RAD51B: variants seen among roughly 807,000 people sequenced by gnomAD.
The protein encoded by RAD51B is DNA repair protein RAD51 homolog 2.
In RAD51B, 38 loss-of-function variants were observed where a neutral mutation model predicts 42.2. That is an observed-to-expected ratio of 0.90 (90% CI 0.70 to 1.18). The LOEUF is 1.18. Ranked by LOEUF, RAD51B falls within the 50% of genes most tolerant of loss-of-function variation. The probability of loss-of-function intolerance (pLI) is 0.00; values close to 1 mark genes in which losing one functional copy is unlikely to be tolerated. For synonymous variants in RAD51B, 154 were observed against 145.2 expected (o/e 1.06, Z -0.43); for missense variants, 373 against 400.7 (o/e 0.93, Z 0.59).
chr14:67,829,485 G>A (rs1386926563), intron 3 of RAD51B, among the ~76,000 whole-genome samples: 2 of 151,962 alleles, frequency 1.3e-5, no homozygotes, highest in African/African-American at 4.8e-5. Context: ...CTCATGATCC[G>A]CCCGCCTCGG....
chr14:68,455,444 G>A (rs927403164), intron 9 of RAD51B, among the ~76,000 whole-genome samples: 4 of 152,176 alleles, frequency 2.6e-5, no homozygotes, highest in African/African-American at 9.7e-5. Context: ...GTAGCCAGGT[G>A]TGGTGGCTCA....
intron 7 of RAD51B, among the ~76,000 whole-genome samples, chr14:68,198,933 C>T (rs561238935): frequency 2.6e-5 from 4 of 152,222 alleles, no homozygotes; most frequent in South Asian, 2.1e-4. Flanking sequence ...TTGTTGGAAA[C>T]GTTCTTTTTA....
chr14:68,448,157 T>A (rs915304240), intron 9 of RAD51B, among the ~76,000 whole-genome samples: 8 of 152,190 alleles, frequency 5.3e-5, no homozygotes, highest in Admixed American at 1.3e-4. Flanking sequence ...CTGAGGATGG[T>A]CTTCAAGAAG....
At chr14:68,275,794 CCACACACACACACACACACACACA>C (rs10641411) in intron 7 of RAD51B, among the ~76,000 whole-genome samples, 21 of 141,268 alleles carry the variant, frequency 1.5e-4, no homozygotes, top group African/African-American at 5.1e-4. Flanking sequence ...AACTAGCTCT[CCACACACACACACACACACACACA>C]CACACACACA....
At chr14:68,027,663 G>A (rs375973931) in intron 7 of RAD51B, among the ~76,000 whole-genome samples, 1 of 152,084 alleles carries the variant, frequency 6.6e-6, no homozygotes, top group Non-Finnish European at 1.5e-5. Context: ...TGAAATTCTT[G>A]TAGTGAATTT....
rs1158570155 is a variant in RAD51B at position 68,127,604 on chromosome 14, AACACACACACACACACAC to A, written c.757-164246_757-164229del. 3.3e-3 allele frequency among the ~76,000 whole-genome samples: 445 copies of A among 133,626 alleles called. 1 individual carries two copies. The Middle Eastern group carries it at 0.041, about 12-fold the overall frequency. 87.7% of individuals were successfully genotyped at this position (133,626 alleles called of 152,430 possible). A position where few individuals can be genotyped will look rare whatever the true frequency, so the allele number is the denominator to read the frequency against. ...TTCATAAATAACAATTGTACATTGTAACACACACACACACACACACACACACACACACACACACACACA... is the reference window on the plus strand; with the variant it reads ...TTCATAAATAACAATTGTACATTGTAACACACACACACACACACACACACA... On this transcript the variant is annotated intron_variant, in intron 7 of 10. Transcript: ENST00000471583.
Position 67,885,958 on chromosome 14 carries a change from G to A in RAD51B, c.542G>A (p.Arg181Gln), listed in dbSNP as rs1416106631. ...ACAAGTAGTAAAGTTCATCTTTATC[G>A]GGAACTCACCTGTGATGAAGTTCTA... ...LLTSSKVHLY[R>Q]ELTCDEVLQR... The change falls in exon 6 of 11, where the codon CGG (arginine) becomes CAG (glutamine). Residue 181 changes from arginine to glutamine, a missense_variant. Arg to Gln is a conservative substitution (Grantham distance 43). Transcript: ENST00000471583. The A allele has an allele frequency of 7.5e-6, 12 of 1,604,660 alleles. No homozygotes were observed. Among genetic ancestry groups the A allele is most frequent in the African/African-American group, 1.3e-5 (1 of 74,670 alleles).
chr14:68,024,544 A>C (rs1435051400), intron 7 of RAD51B, among the ~76,000 whole-genome samples: 1 of 151,828 alleles, frequency 6.6e-6, no homozygotes, highest in African/African-American at 2.4e-5. Flanking sequence ...CCTTATAGAG[A>C]TCTTTCCCCT....
chr14:68,490,984 G>T (rs921154509), intron 10 of RAD51B, among the ~76,000 whole-genome samples: 1 of 152,182 alleles, frequency 6.6e-6, no homozygotes, highest in African/African-American at 2.4e-5. Context: ...AGCAAAACTA[G>T]CCTACAACTT....
At chr14:68,225,359 G>A (rs1437104700) in intron 7 of RAD51B, among the ~76,000 whole-genome samples, 1 of 152,168 alleles carries the variant, frequency 6.6e-6, no homozygotes, top group Admixed American at 6.5e-5. Flanking sequence ...TTACTTGCTT[G>A]GAGGAGAAAT....
intron 10 of RAD51B, chr14:68,540,921 A>C (rs530805749): frequency 1.1e-5 from 11 of 985,452 alleles, no homozygotes; most frequent in Non-Finnish European, 1.3e-5. Flanking sequence ...TGAAGTTTGG[A>C]AAGAGAGGCA....
chr14:67,903,782 A>G (rs1424784695), intron 7 of RAD51B, among the ~76,000 whole-genome samples: 2 of 152,120 alleles, frequency 1.3e-5, no homozygotes, highest in African/African-American at 4.8e-5. Flanking sequence ...TTCAGGGGGT[A>G]CATGTGCAGG....
intron 10 of RAD51B, among the ~76,000 whole-genome samples, chr14:68,635,209 G>A (rs1595039880): frequency 1.3e-5 from 2 of 152,300 alleles, no homozygotes; most frequent in East Asian, 1.9e-4. Flanking sequence ...GAGCCTAACA[G>A]TCTCCTGCTA....
downstream of RAD51B, among the ~76,000 whole-genome samples, chr14:68,482,593 T>C (rs1883289494): frequency 6.6e-6 from 1 of 152,206 alleles, no homozygotes; most frequent in Admixed American, 6.5e-5. Flanking sequence ...TTTTCCATGT[T>C]TTATTTTCAA....
At chr14:68,133,203 A>G (rs2077935279) in intron 7 of RAD51B, among the ~76,000 whole-genome samples, 1 of 152,192 alleles carries the variant, frequency 6.6e-6, no homozygotes, top group African/African-American at 2.4e-5. Context: ...CTCAGAGATG[A>G]TGTGATTCTA....
Position 68,278,810 on chromosome 14 carries a change from C to T in RAD51B, c.757-13074C>T, listed in dbSNP as rs568632186. On this transcript the variant is annotated intron_variant, in intron 7 of 10. Coordinates refer to ENST00000471583, the MANE Select transcript of RAD51B (RefSeq NM_133510.4). Reference sequence around the variant, plus strand: ...GGAATACAGCAAAACCCACAAGAAACCAGCACTAATAGATGGCAGGTCATT... The same window carrying T: ...GGAATACAGCAAAACCCACAAGAAATCAGCACTAATAGATGGCAGGTCATT... Among the ~76,000 whole-genome samples, 371 of 152,292 alleles carry T rather than the reference C, an allele frequency of 2.4e-3. 6 individuals carry two copies. The highest frequency in any genetic ancestry group is 0.014 in the Middle Eastern group (4 of 292).
At chr14:68,310,564 G>A (rs1214098442) in intron 8 of RAD51B, among the ~76,000 whole-genome samples, 6 of 152,164 alleles carry the variant, frequency 3.9e-5, no homozygotes, top group Admixed American at 2.6e-4. Context: ...AGCAGGTCAC[G>A]GCTGGACGTG....
At chr14:68,110,315 G>A (rs1449530547) in intron 7 of RAD51B, among the ~76,000 whole-genome samples, 1 of 151,924 alleles carries the variant, frequency 6.6e-6, no homozygotes, top group African/African-American at 2.4e-5. Context: ...GTGGTTATCT[G>A]TGTCAAAAGG....
intron 4 of RAD51B, among the ~76,000 whole-genome samples, chr14:67,848,490 G>A (rs903718263): frequency 1.3e-5 from 2 of 152,048 alleles, no homozygotes; most frequent in Admixed American, 6.6e-5. Context: ...TGTGAGATGG[G>A]TCTCTTGAAG....
Sources: allele counts gnomAD v4.1 joint callset (sites outside exome capture counted in the v4.1 genomes callset), GRCh38; gene constraint gnomAD v4.1.1; transcripts MANE v1.5; gene names NCBI Gene and HGNC (gene_info 2026-07-23, HGNC 2026-07-21).